The following ZBTB16 variants were observed in gnomAD, a reference collection of about 807,000 sequenced individuals.
The protein encoded by ZBTB16 is zinc finger and BTB domain-containing protein 16.
In ZBTB16, 8 loss-of-function variants were observed where a neutral mutation model predicts 56.8. That is an observed-to-expected ratio of 0.14 (90% confidence interval 0.08 to 0.25). ZBTB16 has a LOEUF of 0.25. Among genes scored for constraint, ZBTB16 ranks in the 10% least tolerant of loss-of-function variants. ZBTB16 has a pLI of 1.00. For missense variants in ZBTB16, 625 were observed against 903.0 expected, an observed-to-expected ratio of 0.69 and a Z score of 3.95; for synonymous variants, 363 against 368.5, an observed-to-expected ratio of 0.98 and a Z score of 0.17.
At chr11:114,068,487 G>T (rs766635602) in intron 2 of ZBTB16, among the ~76,000 whole-genome samples, 1 of 152,194 alleles carries the variant, frequency 6.6e-6, no homozygotes, top group African/African-American at 2.4e-5. Context: ...GGAATGACGT[G>T]CTGTAAAAGG....
chr11:114,078,637 GA>G (rs1269904462), intron 2 of ZBTB16, among the ~76,000 whole-genome samples: 2 of 152,050 alleles, frequency 1.3e-5, no homozygotes, highest in African/African-American at 4.8e-5. Flanking sequence ...CTGGGAAGTT[GA>G]AACAGCTAGC....
intron 4 of ZBTB16, among the ~76,000 whole-genome samples, chr11:114,241,183 TG>T (rs1183091947): frequency 2.6e-5 from 4 of 151,796 alleles, no homozygotes; most frequent in African/African-American, 7.3e-5. Context: ...AAATAATACT[TG>T]TTGAGTGAAT....
At chr11:114,178,363 A>G (rs989240003) in intron 3 of ZBTB16, among the ~76,000 whole-genome samples, 9 of 152,238 alleles carry the variant, frequency 5.9e-5, no homozygotes, top group African/African-American at 1.9e-4. Context: ...ACCCTGTGGC[A>G]TAAACACTCT....
At chr11:114,209,357 C>G in intron 4 of ZBTB16, 1 of 984,308 alleles carries the variant, frequency 1.0e-6, no homozygotes, top group Non-Finnish European at 1.2e-6. Context: ...CTTTCTTGAT[C>G]TACTGTTTTT....
chr11:114,094,103 C>T (rs1455069955), intron 2 of ZBTB16, among the ~76,000 whole-genome samples: 1 of 152,120 alleles, frequency 6.6e-6, no homozygotes, highest in Non-Finnish European at 1.5e-5. Flanking sequence ...ATCACGAGGT[C>T]AGGAGATCGA....
At position 114,251,064 on chromosome 11, in the gene ZBTB16, G is replaced by A. The variant is rs917792636; in HGVS notation, c.*509G>A. On this transcript the variant is annotated 3_prime_UTR_variant, in exon 7 of 7. Coordinates refer to ENST00000335953, the MANE Select transcript of ZBTB16 (RefSeq NM_006006.6). ...AAAATGGCAGCTCTAGTTTGCTGGC[G>A]GCTGACTGGGGAGGAGAAGGGCTCT... Among the ~76,000 whole-genome samples the A allele has an allele frequency of 3.3e-5, 5 of 152,086 alleles. No individual in the cohort carries two copies. Among genetic ancestry groups the A allele is most frequent in the South Asian group, 2.1e-4 (1 of 4,810 alleles).
In ZBTB16 at chr11:114,077,374, C is replaced by T. The variant is rs533316694; in HGVS notation, c.1268+12806C>T. On this transcript the variant is annotated intron_variant, in intron 2 of 6. Transcript: ENST00000335953. ...GAAAAGATGCCACCTGGACCCCAGG[C>T]CACCTCCCGCCTCTTTCCCAGCAAA... is the stretch of plus-strand genomic sequence containing the variant. 6.6e-5 allele frequency among the ~76,000 whole-genome samples: 10 copies of T among 152,306 alleles called. No homozygotes were observed. The South Asian group carries it at 2.1e-3, about 32-fold the overall frequency.
chr11:114,249,484 G>T (rs1318568996), intron 6 of ZBTB16, among the ~76,000 whole-genome samples: 4 of 110,488 alleles, frequency 3.6e-5, no homozygotes, highest in South Asian at 5.7e-4. Context: ...AAAAAAAAAA[G>T]GCCGGGCGCG....
intron 3 of ZBTB16, among the ~76,000 whole-genome samples, chr11:114,172,848 C>T (rs754412349): frequency 1.3e-5 from 2 of 152,124 alleles, no homozygotes; most frequent in Admixed American, 6.5e-5. Context: ...CCAGAAAAGA[C>T]GAGTTTTGTT....
chr11:114,069,569 GCT>G (rs1017513674), intron 2 of ZBTB16, among the ~76,000 whole-genome samples: 27 of 152,292 alleles, frequency 1.8e-4, no homozygotes, highest in Admixed American at 1.6e-3. Flanking sequence ...ATGGTCAGCT[GCT>G]CTGTTTTTAG....
intron 4 of ZBTB16, among the ~76,000 whole-genome samples, chr11:114,231,747 A>G (rs1944445312): frequency 6.6e-6 from 1 of 152,178 alleles, no homozygotes; most frequent in Admixed American, 6.5e-5. Flanking sequence ...CTCTTTAGCT[A>G]AAAGAAGGCT....
chr11:114,125,565 T>G (rs1941483207), intron 2 of ZBTB16, among the ~76,000 whole-genome samples: 1 of 152,092 alleles, frequency 6.6e-6, no homozygotes, highest in Non-Finnish European at 1.5e-5. Context: ...TAGGACTTTT[T>G]TTTTTTTCAT....
At chr11:114,083,620 T>C (rs1011427774) in intron 2 of ZBTB16, among the ~76,000 whole-genome samples, 3 of 152,260 alleles carry the variant, frequency 2.0e-5, no homozygotes, top group African/African-American at 7.2e-5. Context: ...CCCTGACATC[T>C]GGGGTTGCCC....
intron 2 of ZBTB16, among the ~76,000 whole-genome samples, chr11:114,127,819 C>T (rs911990434): frequency 1.3e-5 from 2 of 152,186 alleles, no homozygotes; most frequent in Non-Finnish European, 2.9e-5. Flanking sequence ...TATGTGCTTC[C>T]TCCACAGTCC....
intron 2 of ZBTB16, among the ~76,000 whole-genome samples, chr11:114,146,124 A>G (rs1461212728): frequency 6.6e-6 from 1 of 152,174 alleles, no homozygotes; most frequent in Non-Finnish European, 1.5e-5. Context: ...GCAGTGGGGC[A>G]TGAGTCGGCT....
chr11:114,168,135 A>G (rs1351753847), intron 3 of ZBTB16, among the ~76,000 whole-genome samples: 1 of 152,214 alleles, frequency 6.6e-6, no homozygotes, highest in Admixed American at 6.5e-5. Flanking sequence ...TGTGTCCCCT[A>G]TACTACCTCG....
Position 114,250,581 on chromosome 11 carries a change from A to C in ZBTB16, c.*26A>C, listed in dbSNP as rs753577072. 2.4e-5 allele frequency: 38 copies of C among 1,610,328 alleles called. No individual in the cohort carries two copies. Among genetic ancestry groups the C allele is most frequent in the Non-Finnish European group, 3.1e-5 (36 of 1,177,140 alleles). On this transcript the variant is annotated 3_prime_UTR_variant, in exon 7 of 7. Coordinates refer to ENST00000335953, the MANE Select transcript of ZBTB16 (RefSeq NM_006006.6). This position sits in a 1 kb window ranked among gnomAD's most constrained non-coding sequence, Gnocchi z 6.0. ...AGGGAGGCCCGCGGCGGTGGAGCCG[A>C]GCGGGGAGCCAGGAAAGAAGAGTTG... is the stretch of plus-strand genomic sequence containing the variant.
At chr11:114,146,738 A>G (rs1942115647) in intron 2 of ZBTB16, among the ~76,000 whole-genome samples, 1 of 151,532 alleles carries the variant, frequency 6.6e-6, no homozygotes, top group Non-Finnish European at 1.5e-5. Flanking sequence ...AGTCTCAGCT[A>G]CTCTGGAGGC....
At chr11:114,169,044 C>G (rs1239462970) in intron 3 of ZBTB16, among the ~76,000 whole-genome samples, 1 of 152,034 alleles carries the variant, frequency 6.6e-6, no homozygotes, top group African/African-American at 2.4e-5. Flanking sequence ...GAGAGCTTGA[C>G]TGTGTCATGC....
Sources: allele counts gnomAD v4.1 joint callset (sites outside exome capture counted in the v4.1 genomes callset), GRCh38; gene constraint gnomAD v4.1.1; non-coding constraint Gnocchi (gnomAD v3.1); transcripts MANE v1.5; gene names NCBI Gene and HGNC (gene_info 2026-07-23, HGNC 2026-07-21).